ANO9: variants seen among roughly 807,000 people sequenced by gnomAD.
ANO9 encodes the protein anoctamin 9.
In ANO9, 80 loss-of-function variants were observed where a neutral mutation model predicts 100.5. The observed-to-expected ratio is 0.80, with a 90% CI of 0.66 to 0.96. ANO9 has a LOEUF of 0.96. Among genes scored for constraint, ANO9 ranks in the 40% least tolerant of loss-of-function variants. The pLI is 0.00. For missense variants in ANO9, 1,064 were observed against 1,072.7 expected (o/e 0.99, Z 0.11); for synonymous variants, 473 against 435.6 (o/e 1.09, Z -1.07).
Position 434,114 on chromosome 11 carries a change from C to A in ANO9, c.7-16G>T, listed in dbSNP as rs1849264076. On this transcript the variant is annotated splice_polypyrimidine_tract_variant and intron_variant, in intron 1 of 22. Transcript: ENST00000332826. ...TCTCTTCGCCCTGGGGGTTTGGGGG[C>A]AGAGAAAGGGATAGGAGGATGTGAT... The A allele has an allele frequency of 1.3e-6, 2 of 1,549,578 alleles. No individual in the cohort carries two copies. The highest frequency in any genetic ancestry group is 2.7e-5 in the African/African-American group (2 of 73,036).
At chr11:420,338 T>TGG (rs1848096565) in intron 19 of ANO9, 125 bp downstream of exon 19, 7 of 1,488,426 alleles carry the variant, frequency 4.7e-6, no homozygotes, top group African/African-American at 1.4e-5. Flanking sequence ...GGAGAAGGGC[T>TGG]GGGGGCTGTC....
At chr11:419,942 G>A (rs1590409494) in intron 19 of ANO9, 2 of 1,403,974 alleles carry the variant, frequency 1.4e-6, no homozygotes, top group African/African-American at 1.5e-5. Flanking sequence ...GGACAGGGAG[G>A]AACCTGGGAA....
At chr11:434,193 A>T (rs921649108) in intron 1 of ANO9, 95 bp from the exon 2 acceptor site, 1 of 1,374,888 alleles carries the variant, frequency 7.3e-7, no homozygotes, top group Non-Finnish European at 9.9e-7. Context: ...ACATGGTCAC[A>T]CACCGTCCCT....
In ANO9 at chr11:418,391, C is replaced by T. The variant is rs1488895850; in HGVS notation, c.2329G>A (p.Ala777Thr). 6.2e-7 allele frequency: 1 copy of T among 1,610,828 alleles called. No individual in the cohort carries two copies. Among genetic ancestry groups the T allele is most frequent in the Non-Finnish European group, 8.5e-7 (1 of 1,179,048 alleles). Residue 777 changes from alanine to threonine, a missense_variant, in exon 23 of 23, where the codon GCC becomes ACC. Physicochemically the swap from Ala to Thr is moderately conservative, Grantham distance 58 (BLOSUM62 0). Coordinates refer to ENST00000332826, the MANE Select transcript of ANO9 (RefSeq NM_001012302.3). ...AHPTPASIFS[A>T]RSTDV The stretch of plus-strand genomic sequence containing the variant: ...TGGCCCTACACGTCTGTGCTCCTGG[C>T]ACTGAAGATGGATGCTGGGGTGGGA...
At chr11:435,701 C>G (rs372330902) in intron 1 of ANO9, among the ~76,000 whole-genome samples, 2 of 114,412 alleles carry the variant, frequency 1.7e-5, no homozygotes, top group Non-Finnish European at 3.9e-5. Flanking sequence ...CTAGTCTAGT[C>G]TAGTATAGCA....
chr11:433,771 C>A (rs1292120828), intron 3 of ANO9, 44 bp downstream of exon 3: 3 of 1,531,778 alleles, frequency 2.0e-6, no homozygotes, highest in Non-Finnish European at 2.6e-6. Context: ...GCTGGACACC[C>A]GCCCCGGCCC....
intron 7 of ANO9, among the ~76,000 whole-genome samples, chr11:431,279 C>T (rs1487496243): frequency 3.1e-4 from 5 of 15,940 alleles, no homozygotes; most frequent in Admixed American, 1.5e-3. Context: ...TGGGGGCTTC[C>T]GCGGGGGTGT....
chr11:436,457 G>A lies in ANO9; in HGVS notation c.7-2359C>T, dbSNP rs549899508. 2.0e-5 allele frequency among the ~76,000 whole-genome samples: 3 copies of A among 151,974 alleles called. No individual in the cohort carries two copies. The South Asian group carries it at 6.3e-4, about 32-fold the overall frequency. On this transcript the variant is annotated intron_variant, in intron 1 of 22. Coordinates refer to ENST00000332826, the MANE Select transcript of ANO9 (RefSeq NM_001012302.3). ...CACACACACACACCAGGAGCTACGG[G>A]TTCTGGGACAGATCTCCCTATTCTC...
intron 1 of ANO9, among the ~76,000 whole-genome samples, chr11:437,668 G>A (rs1022925526): frequency 6.6e-6 from 1 of 150,958 alleles, no homozygotes; most frequent in African/African-American, 2.4e-5. Flanking sequence ...AGGCACCTCT[G>A]TCTCAGCGCA....
At position 430,104 on chromosome 11, in the gene ANO9, C is replaced by T. The variant is rs199683600; in HGVS notation, c.750G>A (p.Ser250=). The change falls in exon 9 of 23, where the codon TCG becomes TCA. Residue 250 remains serine, a synonymous_variant. Coordinates refer to ENST00000332826, the MANE Select transcript of ANO9 (RefSeq NM_001012302.3). ...GDHSRRYQRL[S]ETCTFAKLTH... ...AAACCTTGGCAAAAGTGCAGGTTTCCGAGAGCCGCTGGTACCTGCGGCTGT... is the reference window on the plus strand; with the variant it reads ...AAACCTTGGCAAAAGTGCAGGTTTCTGAGAGCCGCTGGTACCTGCGGCTGT... 8.2e-5 allele frequency: 127 copies of T among 1,551,644 alleles called. No individual in the cohort carries two copies. Among genetic ancestry groups the T allele is most frequent in the East Asian group, 1.5e-4 (6 of 40,940 alleles).
intron 1 of ANO9, among the ~76,000 whole-genome samples, chr11:436,319 G>T (rs570939549): frequency 3.2e-4 from 48 of 151,896 alleles, no homozygotes; most frequent in African/African-American, 1.1e-3. Flanking sequence ...CACCCGCCTC[G>T]GCCTCCCAAA....
chr11:421,366 G>GCA lies in ANO9; in HGVS notation c.1335-170_1335-169dup. 1 of 615,904 alleles carries GCA rather than the reference G, an allele frequency of 1.6e-6. No individual in the cohort carries two copies. The highest frequency in any genetic ancestry group is 2.7e-6 in the Non-Finnish European group (1 of 370,918). The allele number at this position is 615,904 out of a possible 1,614,324, so 38.2% of individuals were successfully genotyped here. On this transcript the variant is annotated intron_variant, in intron 15 of 22. Coordinates refer to ENST00000332826, the MANE Select transcript of ANO9 (RefSeq NM_001012302.3). The surrounding 1 kb of genome is among the most constrained non-coding windows in gnomAD (Gnocchi z 6.8). ...CCAGATGAACCGCACCCGCACGTGG[G>GCA]CACGCACACACACACACACACACAC... is the stretch of plus-strand genomic sequence containing the variant.
intron 1 of ANO9, 66 bp from the exon 2 acceptor site, chr11:434,164 C>A: frequency 1.3e-6 from 2 of 1,520,014 alleles, no homozygotes; most frequent in Non-Finnish European, 8.9e-7. Context: ...CCCTCATTGG[C>A]GGGTCCCTGC....
chr11:422,571 C>T lies in ANO9; in HGVS notation c.1335-1373G>A, dbSNP rs1848258803. 6.6e-6 allele frequency among the ~76,000 whole-genome samples: 1 copy of T among 152,194 alleles called. No individual in the cohort carries two copies. The highest frequency in any genetic ancestry group is 2.4e-5 in the African/African-American group (1 of 41,428). ...CTCAGAAGGACTCAGCCCCACGCTG[C>T]AAGCTCTGCAGGGGGAGGAGCAGCC... On this transcript the variant is annotated intron_variant, in intron 15 of 22. Transcript: ENST00000332826. The surrounding 1 kb of genome is among the most constrained non-coding windows in gnomAD (Gnocchi z 4.3).
At chr11:424,211 A>G (rs548172722) in intron 15 of ANO9, among the ~76,000 whole-genome samples, 1 of 152,188 alleles carries the variant, frequency 6.6e-6, no homozygotes, top group Non-Finnish European at 1.5e-5. Context: ...GAACATATTT[A>G]TTAATCTTGA....
At chr11:433,164 G>T (rs1849155541) in intron 4 of ANO9, 150 bp downstream of exon 4, 4 of 1,034,040 alleles carry the variant, frequency 3.9e-6, no homozygotes, top group Admixed American at 6.2e-5. Context: ...ACAGCCAGTG[G>T]GTCTCACACC....
At chr11:419,773 G>T (rs373526343) in intron 19 of ANO9, 44 bp from the exon 20 acceptor site, 3 of 1,600,016 alleles carry the variant, frequency 1.9e-6, no homozygotes, top group Middle Eastern at 4.0e-4. Context: ...AGCGTCCCTC[G>T]GCTGGTTCTG....
intron 1 of ANO9, 29 bp downstream of exon 1, chr11:441,892 G>T (rs1464020967): frequency 6.2e-7 from 1 of 1,605,170 alleles, no homozygotes; most frequent in South Asian, 1.1e-5. Flanking sequence ...GGCCTTGAAG[G>T]TGTGGACCCT....
chr11:439,071 A>G (rs1403253434), intron 1 of ANO9, among the ~76,000 whole-genome samples: 1 of 152,074 alleles, frequency 6.6e-6, no homozygotes, highest in East Asian at 1.9e-4. Flanking sequence ...CCTCGTCTGT[A>G]CAACAGGGTG....
Sources: allele counts gnomAD v4.1 joint callset (sites outside exome capture counted in the v4.1 genomes callset), GRCh38; gene constraint gnomAD v4.1.1; non-coding constraint Gnocchi (gnomAD v3.1); transcripts MANE v1.5; gene names NCBI Gene and HGNC (gene_info 2026-07-23, HGNC 2026-07-21).